The following TMEM178B variants were observed in gnomAD, a reference collection of about 807,000 sequenced individuals.
TMEM178B encodes the protein transmembrane protein 178B.
Under a neutral mutation model 31.0 loss-of-function variants are expected in TMEM178B, and 5 were observed. That is an observed-to-expected ratio of 0.16 (90% CI 0.08 to 0.34). TMEM178B has a LOEUF of 0.34. Ranked by LOEUF, TMEM178B falls within the 10% of genes least tolerant of loss-of-function variation. The pLI, the probability that TMEM178B is intolerant of heterozygous loss-of-function variation, is 1.00. For missense variants in TMEM178B, 275 were observed against 400.3 expected (o/e 0.69, Z 2.67); for synonymous variants, 164 against 164.0 (o/e 1.00, Z 0.00).
intron 1 of TMEM178B, among the ~76,000 whole-genome samples, chr7:141,136,818 A>G (rs1056873963): frequency 6.6e-6 from 1 of 152,176 alleles, no homozygotes; most frequent in African/African-American, 2.4e-5. Flanking sequence ...ATGAGCTGTA[A>G]TTGCACCACT....
At chr7:141,458,920 C>T (rs61386884) in intron 3 of TMEM178B, among the ~76,000 whole-genome samples, 4,994 of 152,326 alleles carry the variant, frequency 0.033, 243 homozygotes, top group African/African-American at 0.11. Context: ...AATGCACAAA[C>T]ACCTCAGCAA....
chr7:141,322,794 G>A (rs1282920857), intron 2 of TMEM178B, among the ~76,000 whole-genome samples: 3 of 152,112 alleles, frequency 2.0e-5, no homozygotes, highest in Non-Finnish European at 2.9e-5. Context: ...AATGAGAGCA[G>A]GTGGCTAGGA....
chr7:141,192,818 CA>C (rs1372369413), intron 1 of TMEM178B, among the ~76,000 whole-genome samples: 7 of 152,212 alleles, frequency 4.6e-5, no homozygotes, highest in African/African-American at 1.7e-4. Context: ...ACTTAGACAT[CA>C]CTTGCTTTGG....
At chr7:141,510,836 C>T in the TMEM178B span, among the ~76,000 whole-genome samples, 1 of 152,080 alleles carries the variant, frequency 6.6e-6, no homozygotes, top group East Asian at 1.9e-4. Flanking sequence ...ACACCAACTG[C>T]CCATGCCTTC....
chr7:141,376,089 C>G (rs186929878), intron 2 of TMEM178B, among the ~76,000 whole-genome samples: 2 of 152,212 alleles, frequency 1.3e-5, no homozygotes, highest in African/African-American at 4.8e-5. Flanking sequence ...CCCTTTTGAT[C>G]TTCCTTAATG....
At chr7:141,464,846 GGGTTAT>G (rs1206001566) in intron 3 of TMEM178B, among the ~76,000 whole-genome samples, 2 of 152,172 alleles carry the variant, frequency 1.3e-5, no homozygotes, top group Non-Finnish European at 2.9e-5. Flanking sequence ...GCCCTGGCCA[GGGTTAT>G]GCCTGGCACT....
chr7:141,508,492 C>T, the TMEM178B span, among the ~76,000 whole-genome samples: 5 of 152,172 alleles, frequency 3.3e-5, no homozygotes, highest in Non-Finnish European at 5.9e-5. Context: ...TCCACATTTT[C>T]GGGTATCTTT....
chr7:141,379,705 T>C (rs762484663), intron 2 of TMEM178B, among the ~76,000 whole-genome samples: 2 of 152,268 alleles, frequency 1.3e-5, no homozygotes, highest in Admixed American at 6.5e-5. Context: ...GTCTTCTCCA[T>C]GGACACAGAG....
chr7:141,431,011 G>C (rs913514248), intron 2 of TMEM178B: 5 of 152,184 alleles, frequency 3.3e-5, no homozygotes, highest in Non-Finnish European at 7.3e-5. Context: ...CCATGTGGCC[G>C]TCAGAGGACC....
At chr7:141,488,967 G>GGGA in the TMEM178B span, among the ~76,000 whole-genome samples, 123 of 151,716 alleles carry the variant, frequency 8.1e-4, no homozygotes, top group Non-Finnish European at 1.3e-3. Context: ...AGAAGGAGGA[G>GGGA]GGAGGAGGAG....
intron 1 of TMEM178B, among the ~76,000 whole-genome samples, chr7:141,174,532 A>G (rs141431989): frequency 1.7e-3 from 256 of 152,250 alleles, no homozygotes; most frequent in East Asian, 6.8e-3. Flanking sequence ...TTGAGGAATC[A>G]CCACACTGTT....
intron 1 of TMEM178B, among the ~76,000 whole-genome samples, chr7:141,164,565 A>G (rs1796230580): frequency 6.6e-6 from 1 of 152,172 alleles, no homozygotes; most frequent in South Asian, 2.1e-4. Flanking sequence ...TTTGGACTAG[A>G]TGGAATTTAA....
chr7:141,387,442 CCTT>C (rs912577801), intron 2 of TMEM178B, among the ~76,000 whole-genome samples: 32 of 152,094 alleles, frequency 2.1e-4, no homozygotes, highest in African/African-American at 7.5e-4. Flanking sequence ...AAATTCTACC[CCTT>C]CTTCTGAGCT....
rs1404686670 is a variant in TMEM178B at position 141,160,760 on chromosome 7, G to A, written c.383-51831G>A. Among the ~76,000 whole-genome samples the A allele has an allele frequency of 1.7e-4, 26 of 152,248 alleles. 1 individual carries two copies. The highest frequency in any genetic ancestry group is 1.5e-5 in the Non-Finnish European group (1 of 68,044). On this transcript the variant is annotated intron_variant, in intron 1 of 3. Coordinates refer to ENST00000565468, the MANE Select transcript of TMEM178B (RefSeq NM_001195278.2). The stretch of plus-strand genomic sequence containing the variant: ...CTCTGGTACACTGAGCTTGTGCTCA[G>A]TGATGGGAACTGGTCGGATGTGGGA...
At chr7:141,332,803 A>G (rs903042093) in intron 2 of TMEM178B, among the ~76,000 whole-genome samples, 5 of 152,118 alleles carry the variant, frequency 3.3e-5, no homozygotes, top group Non-Finnish European at 7.4e-5. Flanking sequence ...GTGTTTCCCC[A>G]CCTTGTAGTG....
chr7:141,418,009 A>G (rs1801132028), intron 2 of TMEM178B, among the ~76,000 whole-genome samples: 1 of 152,234 alleles, frequency 6.6e-6, no homozygotes, highest in Admixed American at 6.5e-5. Context: ...TATCAAGTAG[A>G]ACCAGGAAGA....
chr7:141,162,740 G>A (rs1300083432), intron 1 of TMEM178B, among the ~76,000 whole-genome samples: 5 of 152,174 alleles, frequency 3.3e-5, no homozygotes, highest in African/African-American at 1.2e-4. Context: ...TTCAAGAGGT[G>A]GTATTGTGTA....
chr7:141,275,272 A>C (rs1307020820), intron 2 of TMEM178B, among the ~76,000 whole-genome samples: 1 of 152,216 alleles, frequency 6.6e-6, no homozygotes, highest in Non-Finnish European at 1.5e-5. Context: ...AGTCCCAGCA[A>C]GGCTCTACCC....
At position 141,334,005 on chromosome 7, in the gene TMEM178B, A is replaced by C. The variant is rs538387619; in HGVS notation, c.497-103603A>C. 4.6e-5 allele frequency among the ~76,000 whole-genome samples: 7 copies of C among 152,314 alleles called. No individual in the cohort carries two copies. The South Asian group carries it at 1.5e-3, about 32-fold the overall frequency. On this transcript the variant is annotated intron_variant, in intron 2 of 3. Transcript: ENST00000565468. ...TGGGGCCCGCTTCCTAACAGGGGGA[A>C]CCCCTGCTCTAAGGGCCCAGGAAGA...
Sources: gnomAD v4.1 joint callset for allele counts (sites outside exome capture counted in the v4.1 genomes callset) on GRCh38, gnomAD v4.1.1 for gene constraint, MANE v1.5 for transcripts, NCBI Gene and HGNC (gene_info 2026-07-23, HGNC 2026-07-21) for gene names.